FHIT: variants seen among roughly 807,000 people sequenced by gnomAD.
The protein encoded by FHIT is fragile histidine triad diadenosine triphosphatase, also known as bis(5'-adenosyl)-triphosphatase.
In FHIT, 19 loss-of-function variants were observed where a neutral mutation model predicts 17.9. The ratio of observed to expected loss-of-function variants is 1.06; its 90% CI spans 0.74 to 1.56. The LOEUF (loss-of-function observed/expected upper bound fraction) is 1.56, where lower values mean the gene tolerates loss of function less well. FHIT is among the 40% of genes most tolerant of loss of function. The pLI, the probability that FHIT is intolerant of heterozygous loss-of-function variation, is 0.00. For synonymous variants in FHIT, 81 were observed against 69.7 expected, an observed-to-expected ratio of 1.16 and a Z score of -0.81; for missense variants, 248 against 189.2, an observed-to-expected ratio of 1.31 and a Z score of -1.82.
chr3:59,855,569 T>A (rs932558565), intron 8 of FHIT, among the ~76,000 whole-genome samples: 1 of 152,168 alleles, frequency 6.6e-6, no homozygotes, highest in Non-Finnish European at 1.5e-5. Context: ...ATGCTACATA[T>A]TAAAATCTGT....
chr3:60,546,464 C>T (rs1354083253), intron 4 of FHIT, among the ~76,000 whole-genome samples: 1 of 152,156 alleles, frequency 6.6e-6, no homozygotes, highest in African/African-American at 2.4e-5. Flanking sequence ...CATGTCCTAA[C>T]TTTTATGCTG....
intron 2 of FHIT, among the ~76,000 whole-genome samples, chr3:61,085,834 A>C (rs941627914): frequency 3.3e-5 from 5 of 152,276 alleles, no homozygotes; most frequent in East Asian, 1.9e-4. Context: ...AAGACATGCA[A>C]TTGTTCCACC....
chr3:60,121,867 A>G (rs1358482291), intron 5 of FHIT, among the ~76,000 whole-genome samples: 1 of 152,068 alleles, frequency 6.6e-6, no homozygotes, highest in Non-Finnish European at 1.5e-5. Flanking sequence ...CTGAAACTCT[A>G]TGCCTCTAAT....
chr3:60,368,126 A>G (rs1460216533), intron 5 of FHIT, among the ~76,000 whole-genome samples: 1 of 151,548 alleles, frequency 6.6e-6, no homozygotes, highest in Non-Finnish European at 1.5e-5. Flanking sequence ...ACTTCTGTGG[A>G]TACATACTTT....
At chr3:60,711,793 A>G (rs4256080) in intron 4 of FHIT, among the ~76,000 whole-genome samples, 138,561 of 152,202 alleles carry the variant, frequency 0.91, 63,839 homozygotes, top group East Asian at 1. Context: ...CCAAATCTGC[A>G]TGTTTGGTGT....
At chr3:60,062,118 A>C (rs1381845287) in intron 5 of FHIT, among the ~76,000 whole-genome samples, 1 of 152,188 alleles carries the variant, frequency 6.6e-6, no homozygotes, top group African/African-American at 2.4e-5. Flanking sequence ...AAAGGAGATG[A>C]ATTTTCAGAC....
At chr3:60,110,421 TCTAAGGAGTGA>T (rs1704620402) in intron 5 of FHIT, among the ~76,000 whole-genome samples, 1 of 152,148 alleles carries the variant, frequency 6.6e-6, no homozygotes, top group Admixed American at 6.5e-5. Flanking sequence ...ACAAAATGAT[TCTAAGGAGTGA>T]TTAAAGCAGG....
At chr3:59,912,818 G>A (rs1289870068) in intron 8 of FHIT, among the ~76,000 whole-genome samples, 3 of 152,110 alleles carry the variant, frequency 2.0e-5, no homozygotes, top group Non-Finnish European at 4.4e-5. Flanking sequence ...GATATTTATG[G>A]TCCATTAAGA....
At chr3:61,105,049 T>A (rs773612156) in intron 2 of FHIT, among the ~76,000 whole-genome samples, 1 of 152,154 alleles carries the variant, frequency 6.6e-6, no homozygotes, top group Admixed American at 6.6e-5. Flanking sequence ...CCTATCCGTA[T>A]TTTGAACTCT....
At chr3:60,136,722 T>A (rs1013708683) in intron 5 of FHIT, among the ~76,000 whole-genome samples, 1 of 152,172 alleles carries the variant, frequency 6.6e-6, no homozygotes, top group African/African-American at 2.4e-5. Context: ...GACCGCACAT[T>A]GCATCAGCCC....
chr3:60,328,455 C>G (rs548085477), intron 5 of FHIT, among the ~76,000 whole-genome samples: 1 of 152,144 alleles, frequency 6.6e-6, no homozygotes, highest in African/African-American at 2.4e-5. Flanking sequence ...TGACAGCAAG[C>G]AAGAGAGCGT....
rs545895362 is a variant in FHIT at position 60,141,088 on chromosome 3, A to G, written c.104-126936T>C. On this transcript the variant is annotated intron_variant, in intron 5 of 9. Transcript: ENST00000492590. ...ACTAAATAGCAGAAGAATGAAACTC[A>G]GCTTTGGGGGACATCAATCTGTCAG... is the stretch of plus-strand genomic sequence containing the variant. Among the ~76,000 whole-genome samples, 54 of 152,298 alleles carry G rather than the reference A, an allele frequency of 3.5e-4. 1 individual carries two copies. In the South Asian group the frequency reaches 0.011, roughly 30 times the overall value.
At chr3:61,178,579 A>G (rs1481825848) in intron 2 of FHIT, among the ~76,000 whole-genome samples, 1 of 151,584 alleles carries the variant, frequency 6.6e-6, no homozygotes, top group African/African-American at 2.4e-5. Context: ...TCACACAGTT[A>G]ATGCAATTAA....
At chr3:60,681,954 T>C (rs1553696999) in intron 4 of FHIT, among the ~76,000 whole-genome samples, 6 of 151,172 alleles carry the variant, frequency 4.0e-5, no homozygotes, top group Non-Finnish European at 8.8e-5. Context: ...CTAATGAAGG[T>C]GGCTACACTA....
At chr3:59,781,743 A>G (rs569455533) in intron 8 of FHIT, among the ~76,000 whole-genome samples, 1 of 152,268 alleles carries the variant, frequency 6.6e-6, no homozygotes, top group East Asian at 1.9e-4. Flanking sequence ...AAACCACGAC[A>G]TTTTTTTATC....
chr3:59,857,574 T>C (rs939221363), intron 8 of FHIT, among the ~76,000 whole-genome samples: 1 of 152,094 alleles, frequency 6.6e-6, no homozygotes, highest in Non-Finnish European at 1.5e-5. Flanking sequence ...CTAGAGAAAC[T>C]TACATATCGA....
At chr3:60,223,547 C>T (rs924639458) in intron 5 of FHIT, among the ~76,000 whole-genome samples, 3 of 152,046 alleles carry the variant, frequency 2.0e-5, no homozygotes, top group African/African-American at 7.2e-5. Flanking sequence ...TTCAATATTC[C>T]CAAGTAACAA....
intron 3 of FHIT, among the ~76,000 whole-genome samples, chr3:60,860,116 T>C (rs556608637): frequency 1.4e-5 from 2 of 147,534 alleles, no homozygotes; most frequent in East Asian, 2.0e-4. Flanking sequence ...ATATATGATA[T>C]ATAAATGATA....
chr3:60,042,812 A>C (rs1449660426), intron 5 of FHIT, among the ~76,000 whole-genome samples: 1 of 152,176 alleles, frequency 6.6e-6, no homozygotes, highest in East Asian at 1.9e-4. Flanking sequence ...TTAAGTAACC[A>C]AACATAAAAA....
Sources: allele counts gnomAD v4.1 joint callset (sites outside exome capture counted in the v4.1 genomes callset), GRCh38; gene constraint gnomAD v4.1.1; transcripts MANE v1.5; gene names NCBI Gene and HGNC (gene_info 2026-07-23, HGNC 2026-07-21).